Variants in ST6GALNAC5 observed in about 807,000 individuals in gnomAD.
ST6GALNAC5 encodes alpha-N-acetylgalactosaminide alpha-2,6-sialyltransferase 5.
ST6GALNAC5 carries 27 observed loss-of-function variants against 33.6 expected under a neutral mutation model. The observed-to-expected ratio is 0.80, with a 90% confidence interval of 0.59 to 1.11. ST6GALNAC5 has a LOEUF of 1.11. Ranked by LOEUF, ST6GALNAC5 falls within the 50% of genes least tolerant of loss-of-function variation. The pLI is 0.00. For synonymous variants in ST6GALNAC5, 194 were observed against 171.2 expected, an observed-to-expected ratio of 1.13 and a Z score of -1.04; for missense variants, 428 against 454.0, an observed-to-expected ratio of 0.94 and a Z score of 0.52.
chr1:76,971,891 C>T (rs1176348260), intron 2 of ST6GALNAC5, among the ~76,000 whole-genome samples: 3 of 152,152 alleles, frequency 2.0e-5, no homozygotes, highest in African/African-American at 7.2e-5. Context: ...AAGTGTAAAA[C>T]ATCATACAAT....
At chr1:76,954,088 AAGT>A (rs1470037903) in intron 2 of ST6GALNAC5, among the ~76,000 whole-genome samples, 1 of 152,148 alleles carries the variant, frequency 6.6e-6, no homozygotes, top group Non-Finnish European at 1.5e-5. Context: ...AGGAGGGAAA[AAGT>A]AGTCATATGG....
At chr1:76,872,060 A>G (rs1425445862) in intron 2 of ST6GALNAC5, among the ~76,000 whole-genome samples, 1 of 142,064 alleles carries the variant, frequency 7.0e-6, no homozygotes, top group African/African-American at 2.7e-5. Flanking sequence ...CTAATGTATA[A>G]CCAAGCTAAC....
chr1:76,908,780 A>G (rs1177527743), intron 2 of ST6GALNAC5, among the ~76,000 whole-genome samples: 1 of 152,142 alleles, frequency 6.6e-6, no homozygotes, highest in African/African-American at 2.4e-5. Context: ...TGCATCTTCA[A>G]AGCCTGCCGC....
chr1:77,005,036 G>T (rs1650340636), intron 2 of ST6GALNAC5, among the ~76,000 whole-genome samples: 2 of 151,420 alleles, frequency 1.3e-5, no homozygotes, highest in African/African-American at 4.8e-5. Flanking sequence ...CGAGCTTCCT[G>T]GCTGCTTTGT....
intron 2 of ST6GALNAC5, among the ~76,000 whole-genome samples, chr1:76,921,907 C>G (rs1032370518): frequency 6.6e-6 from 1 of 152,120 alleles, no homozygotes; most frequent in African/African-American, 2.4e-5. Flanking sequence ...ATATATCATA[C>G]CTAACAGGGT....
intron 2 of ST6GALNAC5, among the ~76,000 whole-genome samples, chr1:76,924,147 T>A (rs1364542065): frequency 6.6e-6 from 1 of 152,056 alleles, no homozygotes; most frequent in East Asian, 1.9e-4. Context: ...TACCTCCAGA[T>A]AAAGAAGTAA....
intron 4 of ST6GALNAC5, among the ~76,000 whole-genome samples, chr1:77,062,747 G>T (rs536343862): frequency 5.3e-5 from 8 of 152,228 alleles, no homozygotes; most frequent in African/African-American, 1.9e-4. Flanking sequence ...TGAATGTTCT[G>T]CAGCTCATTT....
intron 2 of ST6GALNAC5, among the ~76,000 whole-genome samples, chr1:76,918,029 T>C (rs1646992831): frequency 6.6e-6 from 1 of 152,150 alleles, no homozygotes; most frequent in Non-Finnish European, 1.5e-5. Flanking sequence ...CCCAGAATAA[T>C]GTTTGACCAA....
intron 2 of ST6GALNAC5, among the ~76,000 whole-genome samples, chr1:76,892,407 GC>G (rs1182738902): frequency 1.3e-5 from 2 of 151,868 alleles, no homozygotes; most frequent in Non-Finnish European, 2.9e-5. Flanking sequence ...TTTTCCATTT[GC>G]CCTGGAAGGC....
intron 2 of ST6GALNAC5, among the ~76,000 whole-genome samples, chr1:76,895,953 C>A (rs573124003): frequency 2.0e-5 from 3 of 152,288 alleles, no homozygotes; most frequent in Admixed American, 6.5e-5. Context: ...ATCATCCAGT[C>A]CTTTTTAAGT....
chr1:76,911,838 G>C (rs901916300), intron 2 of ST6GALNAC5, among the ~76,000 whole-genome samples: 2 of 152,088 alleles, frequency 1.3e-5, no homozygotes, highest in Non-Finnish European at 2.9e-5. Flanking sequence ...AGTCTTGCTA[G>C]CGGTCTATCA....
chr1:77,023,169 C>G (rs1651116219), intron 2 of ST6GALNAC5, among the ~76,000 whole-genome samples: 1 of 152,180 alleles, frequency 6.6e-6, no homozygotes, highest in South Asian at 2.1e-4. Flanking sequence ...TCTGCCAACA[C>G]CTTGATCTTG....
intron 2 of ST6GALNAC5, among the ~76,000 whole-genome samples, chr1:77,031,709 G>T (rs1245347807): frequency 6.6e-6 from 1 of 152,182 alleles, no homozygotes; most frequent in African/African-American, 2.4e-5. Context: ...GAAAACCTGG[G>T]AGAGACTATC....
chr1:76,916,263 A>G (rs1646973356), intron 2 of ST6GALNAC5, among the ~76,000 whole-genome samples: 1 of 152,184 alleles, frequency 6.6e-6, no homozygotes, highest in African/African-American at 2.4e-5. Context: ...ATCCAGCTAC[A>G]TGCAGCTGCT....
At chr1:77,014,145 A>G (rs1557761319) in intron 2 of ST6GALNAC5, among the ~76,000 whole-genome samples, 1 of 152,218 alleles carries the variant, frequency 6.6e-6, no homozygotes, top group Non-Finnish European at 1.5e-5. Context: ...TTTCTATTTC[A>G]TAATTGATAT....
chr1:76,972,868 GAAC>G (rs1648819510), intron 2 of ST6GALNAC5, among the ~76,000 whole-genome samples: 1 of 152,054 alleles, frequency 6.6e-6, no homozygotes, highest in Non-Finnish European at 1.5e-5. Context: ...TTGAAACTAA[GAAC>G]AATAATTCTG....
In ST6GALNAC5 at chr1:77,044,941, C is replaced by CA. The variant is rs373436528; in HGVS notation, c.671+337dup. Among the ~76,000 whole-genome samples, 1,379 of 150,472 alleles carry CA rather than the reference C, an allele frequency of 9.2e-3. 19 individuals carry two copies. Among genetic ancestry groups the CA allele is most frequent in the African/African-American group, 0.031 (1,288 of 41,068 alleles). Reference sequence around the variant, plus strand: ...TCATTTTACTTGCATAAACCCTCACCAAAAAAAAAGTATATGGGTTTATTT... The same window carrying CA: ...TCATTTTACTTGCATAAACCCTCACCAAAAAAAAAAGTATATGGGTTTATTT... On this transcript the variant is annotated intron_variant, in intron 3 of 4. Transcript: ENST00000477717.
rs1652658802 is a variant in ST6GALNAC5, at chr1:77,063,330, T to C, written c.*124T>C. 1 of 807,568 alleles carries C rather than the reference T, an allele frequency of 1.2e-6. No homozygotes were observed. The highest frequency in any genetic ancestry group is 2.0e-6 in the Non-Finnish European group (1 of 511,874). 50.0% of individuals were successfully genotyped at this position (807,568 alleles called of 1,614,324 possible). A position where few individuals can be genotyped will look rare whatever the true frequency, so the allele number is the denominator to read the frequency against. ...CAGCTTCACTCCTCAGGAAGTACCATGGACAGACGCCTACCAGGGGTGACA... is the reference window on the plus strand; with the variant it reads ...CAGCTTCACTCCTCAGGAAGTACCACGGACAGACGCCTACCAGGGGTGACA... On this transcript the variant is annotated 3_prime_UTR_variant, in exon 5 of 5. Transcript: ENST00000477717.
intron 2 of ST6GALNAC5, among the ~76,000 whole-genome samples, chr1:77,025,843 G>C (rs1156519488): frequency 1.3e-5 from 2 of 152,108 alleles, no homozygotes; most frequent in Non-Finnish European, 2.9e-5. Flanking sequence ...CCAGCTGCCA[G>C]GCCCCAGAGA....
Sources: allele counts gnomAD v4.1 joint callset (sites outside exome capture counted in the v4.1 genomes callset), GRCh38; gene constraint gnomAD v4.1.1; transcripts MANE v1.5; gene names NCBI Gene and HGNC (gene_info 2026-07-23, HGNC 2026-07-21).